HGS: variants seen among roughly 807,000 people sequenced by gnomAD.
The protein encoded by HGS is human growth factor-regulated tyrosine kinase substrate.
Under a neutral mutation model 109.7 loss-of-function variants are expected in HGS, and 63 were observed. The ratio of observed to expected loss-of-function variants is 0.57; its 90% CI spans 0.47 to 0.71. The LOEUF (loss-of-function observed/expected upper bound fraction) is 0.71. Among genes scored for constraint, HGS ranks in the 30% least tolerant of loss-of-function variants. HGS has a pLI of 0.00. For missense variants in HGS, 995 were observed against 1,068.3 expected (o/e 0.93, Z 0.96); for synonymous variants, 546 against 437.3 (o/e 1.25, Z -3.10).
rs555925172 is a variant in HGS at position 81,686,444 on chromosome 17, G to C, written c.198+57G>C. 2.6e-5 allele frequency: 32 copies of C among 1,248,726 alleles called. No homozygotes were observed. The East Asian group carries it at 6.9e-4, about 27-fold the overall frequency. 77.4% of individuals were successfully genotyped at this position (1,248,726 alleles called of 1,614,324 possible). On this transcript the variant is annotated intron_variant, in intron 3 of 21. Transcript: ENST00000329138. ...AGGGTCCCTACCCCCTACTAGTCAC[G>C]ACAGCATGAGAAGAGTTTGTCCTGT...
rs115957919 is a variant in HGS at position 81,701,702 on chromosome 17, C to T, written c.*84C>T. The T allele has an allele frequency of 4.2e-5, 62 of 1,486,234 alleles. No homozygotes were observed. The African/African-American group carries it at 7.7e-4, about 19-fold the overall frequency. The allele number at this position is 1,486,234 out of a possible 1,614,324, so 92.1% of individuals were successfully genotyped here. ...CTCTAACTGCCGTCGTCCTGCCTCC[C>T]TGTCCTCTACTGCCGGTAGTGTCCC... On this transcript the variant is annotated 3_prime_UTR_variant, in exon 22 of 22. Coordinates refer to ENST00000329138, the MANE Select transcript of HGS (RefSeq NM_004712.5).
At position 81,693,546 on chromosome 17, in the gene HGS, G is replaced by A. The variant is rs149804055; in HGVS notation, c.706G>A (p.Glu236Lys). 412 of 1,612,954 alleles carry A rather than the reference G, an allele frequency of 2.6e-4. 2 individuals are homozygous for A. Among genetic ancestry groups the A allele is most frequent in the Non-Finnish European group, 3.1e-4 (364 of 1,179,570 alleles). ...KATSTTELPPEYLTSPLSQQS... is the reference protein window; with the variant it reads ...KATSTTELPPKYLTSPLSQQS... ...CACTTCCACCACTGAGCTGCCCCCCGAGTACCTGACCAGCCCCCTGTCTCA... is the reference window on the plus strand; with the variant it reads ...CACTTCCACCACTGAGCTGCCCCCCAAGTACCTGACCAGCCCCCTGTCTCA... Residue 236 changes from glutamate to lysine, a missense_variant, in exon 9 of 22, where the codon GAG (glutamate) becomes AAG (lysine). Around this residue, in one of 6 missense-constraint regions of HGS, gnomAD observed 300 missense variants for 235.4 expected, o/e 1.27. Coordinates refer to ENST00000329138, the MANE Select transcript of HGS (RefSeq NM_004712.5).
intron 5 of HGS, among the ~76,000 whole-genome samples, chr17:81,689,112 G>C (rs573445131): frequency 1.1e-3 from 170 of 152,342 alleles, no homozygotes; most frequent in Middle Eastern, 6.8e-3. Context: ...AGGACTCCTG[G>C]GGGCCGGGTT....
At position 81,691,531 on chromosome 17, in the gene HGS, G is replaced by A; in HGVS notation, c.622G>A (p.Glu208Lys). 1 of 1,614,136 alleles carries A rather than the reference G, an allele frequency of 6.2e-7. No individual in the cohort carries two copies. Among genetic ancestry groups the A allele is most frequent in the Non-Finnish European group, 8.5e-7 (1 of 1,180,020 alleles). ...CATCCCCAAGTTTGGCATCGAGAAG[G>A]AGGTGCGCGTGTGTGAGCCCTGCTA... ...STIPKFGIEK[E>K]VRVCEPCYEQ... The change falls in exon 8 of 22, where the codon GAG becomes AAG. Residue 208 changes from glutamate (E) to lysine (K), a missense_variant. Glu to Lys is a moderately conservative substitution (Grantham distance 56). Transcript: ENST00000329138. The surrounding 1 kb of genome is among the most constrained non-coding windows in gnomAD (Gnocchi z 5.3).
At chr17:81,695,342 C>CCCCAG in intron 14 of HGS, 119 bp downstream of exon 14, 1 of 1,106,968 alleles carries the variant, frequency 9.0e-7, no homozygotes, top group East Asian at 2.5e-5. Context: ...AGGGTGTCTG[C>CCCCAG]CCCAGCCCAG....
At position 81,684,100 on chromosome 17, in the gene HGS, C is replaced by T; in HGVS notation, c.34C>T (p.Leu12=). ...GRGSGTFERL[L]DKATSQLLLE... ...AGGCAGCGGCACCTTCGAGCGTCTC[C>T]TAGGTAACGCGTCCCCACCCGACGG... Residue 12 remains leucine, a synonymous_variant, in exon 1 of 22, where the codon CTA becomes TTA. Transcript: ENST00000329138. 3 of 1,587,414 alleles carry T rather than the reference C, an allele frequency of 1.9e-6. No homozygotes were observed. The highest frequency in any genetic ancestry group is 1.3e-5 in the African/African-American group (1 of 74,260).
At chr17:81,697,027 C>T (rs1430458060) in intron 18 of HGS, 29 bp downstream of exon 18, 5 of 1,516,116 alleles carry the variant, frequency 3.3e-6, no homozygotes, top group East Asian at 2.3e-5. Context: ...AGAGACCATG[C>T]CTTTTATCCC....
rs898116188 is a variant in HGS, at chr17:81,701,747, G to C, written c.*129G>C. The C allele has an allele frequency of 7.4e-7, 1 of 1,348,200 alleles. No homozygotes were observed. The highest frequency in any genetic ancestry group is 1.5e-5 in the African/African-American group (1 of 68,520). The allele number at this position is 1,348,200 out of a possible 1,614,324, so 83.5% of individuals were successfully genotyped here. ...TGTCCCTTCTCTGCGAGTGAGGGGGGGCCTTCACCCCAAGCCCACCTCCCT... is the reference window on the plus strand; with the variant it reads ...TGTCCCTTCTCTGCGAGTGAGGGGGCGCCTTCACCCCAAGCCCACCTCCCT... On this transcript the variant is annotated 3_prime_UTR_variant, in exon 22 of 22. Coordinates refer to ENST00000329138, the MANE Select transcript of HGS (RefSeq NM_004712.5).
intron 18 of HGS, among the ~76,000 whole-genome samples, chr17:81,699,676 G>A (rs1352447357): frequency 2.7e-5 from 4 of 148,252 alleles, no homozygotes; most frequent in East Asian, 1.9e-4. Context: ...CGCCTGCCTC[G>A]GCCTCCCAAA....
intron 2 of HGS, 98 bp from the exon 3 acceptor site, chr17:81,686,214 A>C: frequency 4.2e-6 from 4 of 959,848 alleles, no homozygotes; most frequent in Non-Finnish European, 6.5e-6. Flanking sequence ...TACAGGCGTG[A>C]GCCACTGCAC....
At chr17:81,685,219 G>C (rs779680449) in intron 1 of HGS, 1 of 267,104 alleles carries the variant, frequency 3.7e-6, no homozygotes, top group East Asian at 1.8e-4. Context: ...CTGGGCGAAC[G>C]GGGACTCCAA....
At position 81,694,430 on chromosome 17, in the gene HGS, G is replaced by C. The variant is rs148597150; in HGVS notation, c.937-385G>C. On this transcript the variant is annotated intron_variant, in intron 11 of 21. Coordinates refer to ENST00000329138, the MANE Select transcript of HGS (RefSeq NM_004712.5). ...TGGCCAGGCCGCTGCAGGCCCAGGG[G>C]TGCAGAACAGCCCTGCCCCAGTGAG... is the stretch of plus-strand genomic sequence containing the variant. 4.6e-5 allele frequency among the ~76,000 whole-genome samples: 7 copies of C among 152,336 alleles called. No homozygotes were observed. In the East Asian group the frequency reaches 1.3e-3, roughly 29 times the overall value.
At chr17:81,697,361 C>G (rs943155527) in intron 18 of HGS, 10 of 154,322 alleles carry the variant, frequency 6.5e-5, no homozygotes, top group East Asian at 1.7e-4. Flanking sequence ...CCCCCCCCCC[C>G]CCGCCTTTAA....
chr17:81,690,630 G>T (rs1341653997), intron 6 of HGS, 44 bp from the exon 7 acceptor site: 2 of 1,579,360 alleles, frequency 1.3e-6, no homozygotes, highest in Non-Finnish European at 1.7e-6. Context: ...CTCTGGGGCT[G>T]GTGGGGCGGG....
chr17:81,696,577 C>T (rs1165871139), intron 16 of HGS, 30 bp from the exon 17 acceptor site: 1 of 1,564,004 alleles, frequency 6.4e-7, no homozygotes, highest in East Asian at 2.3e-5. Flanking sequence ...GGGGACCTCG[C>T]AGCATAACCA....
At chr17:81,694,095 C>T in intron 11 of HGS, 130 bp downstream of exon 11, 2 of 735,832 alleles carry the variant, frequency 2.7e-6, no homozygotes, top group Non-Finnish European at 4.3e-6. Context: ...AGAGGACAGC[C>T]CCAGCACACG....
chr17:81,701,698 C>A lies in HGS; in HGVS notation c.*80C>A. 6.7e-7 allele frequency: 1 copy of A among 1,492,472 alleles called. No homozygotes were observed. Among genetic ancestry groups the A allele is most frequent in the Non-Finnish European group, 9.0e-7 (1 of 1,117,142 alleles). 92.5% of individuals were successfully genotyped at this position (1,492,472 alleles called of 1,614,324 possible). A position where few individuals can be genotyped will look rare whatever the true frequency, so the allele number is the denominator to read the frequency against. The stretch of plus-strand genomic sequence containing the variant: ...TCGTCTCTAACTGCCGTCGTCCTGC[C>A]TCCCTGTCCTCTACTGCCGGTAGTG... On this transcript the variant is annotated 3_prime_UTR_variant, in exon 22 of 22. Coordinates refer to ENST00000329138, the MANE Select transcript of HGS (RefSeq NM_004712.5).
chr17:81,691,378 G>A lies in HGS; in HGVS notation c.538-69G>A. On this transcript the variant is annotated intron_variant, in intron 7 of 21. Transcript: ENST00000329138. The surrounding 1 kb of genome is among the most constrained non-coding windows in gnomAD (Gnocchi z 5.3). ...CCCAGCTTCGGCATCGTACGGGGTG[G>A]TTCTGGGCCGGGTGGCGCATCAGGG... 1.2e-6 allele frequency: 2 copies of A among 1,601,640 alleles called. No homozygotes were observed. Among genetic ancestry groups the A allele is most frequent in the Non-Finnish European group, 1.7e-6 (2 of 1,175,290 alleles).
At chr17:81,685,135 A>G (rs34709589) in intron 1 of HGS, 77,747 of 918,456 alleles carry the variant, frequency 0.085, 3,414 homozygotes, top group East Asian at 0.22. Context: ...GGCTTGGAGC[A>G]AGGGGCCTGG....
Sources: gnomAD v4.1 joint callset for allele counts (sites outside exome capture counted in the v4.1 genomes callset) on GRCh38, gnomAD v4.1.1 for gene constraint, gnomAD v4.1.1 regional missense constraint, Gnocchi (gnomAD v3.1) non-coding constraint, MANE v1.5 for transcripts, NCBI Gene and HGNC (gene_info 2026-07-23, HGNC 2026-07-21) for gene names.